Variants in NPFFR1 observed in about 807,000 individuals in gnomAD.
NPFFR1 encodes the protein neuropeptide FF receptor 1, also known as G-protein coupled receptor 147.
NPFFR1 carries 17 observed loss-of-function variants against 12.7 expected under a neutral mutation model. The observed-to-expected ratio is 1.34, with a 90% CI of 0.92 to 2.01. The LOEUF is 2.01. Among genes scored for constraint, NPFFR1 ranks in the 30% most tolerant of loss-of-function variants. The probability of loss-of-function intolerance (pLI) is 0.00; values close to 1 mark genes in which losing one functional copy is unlikely to be tolerated. For synonymous variants in NPFFR1, 296 were observed against 264.5 expected, an observed-to-expected ratio of 1.12 and a Z score of -1.16; for missense variants, 604 against 606.5, an observed-to-expected ratio of 1.00 and a Z score of 0.04.
rs1840549418 is a variant in NPFFR1 at position 70,255,184 on chromosome 10, G to A, written c.1066C>T (p.His356Tyr). Residue 356 changes from histidine to tyrosine, a missense_variant, in exon 4 of 4, where the codon CAC (histidine) becomes TAC (tyrosine). His to Tyr is a moderately conservative substitution (Grantham distance 83). Coordinates refer to ENST00000277942, the MANE Select transcript of NPFFR1 (RefSeq NM_022146.5). The surrounding 1 kb of genome is among the most constrained non-coding windows in gnomAD (Gnocchi z 4.2). The stretch of plus-strand genomic sequence containing the variant: ...GGCCGCTCGGAGTAGGCCTCCTTGT[G>A]GCTCCCCGACGGGCGCGGGCAGAGG... Reference protein sequence around the residue: ...ARLCPRPSGSHKEAYSERPGG... With the variant: ...ARLCPRPSGSYKEAYSERPGG... 1.3e-6 allele frequency: 2 copies of A among 1,548,996 alleles called. No homozygotes were observed. Among genetic ancestry groups the A allele is most frequent in the South Asian group, 2.4e-5 (2 of 84,326 alleles).
In NPFFR1 at chr10:70,252,586, G is replaced by A. The variant is rs151067636; in HGVS notation, c.*2371C>T. ...AACGAACTCCCCACATACCCACAAT[G>A]TCTCACTGCTTCATTAAAGCATTGT... is the stretch of plus-strand genomic sequence containing the variant. On this transcript the variant is annotated 3_prime_UTR_variant, in exon 4 of 4. Coordinates refer to ENST00000277942, the MANE Select transcript of NPFFR1 (RefSeq NM_022146.5). 1.3e-5 allele frequency: 2 copies of A among 152,302 alleles called. No individual in the cohort carries two copies. The highest frequency in any genetic ancestry group is 2.9e-5 in the Non-Finnish European group (2 of 68,026). The allele number at this position is 152,302 out of a possible 1,614,324, so 9.4% of individuals were successfully genotyped here.
At position 70,283,705 on chromosome 10, in the gene NPFFR1, C is replaced by T. The variant is rs1305286713; in HGVS notation, c.-29G>A. 2.6e-5 allele frequency: 40 copies of T among 1,534,790 alleles called. No individual in the cohort carries two copies. The highest frequency in any genetic ancestry group is 3.4e-5 in the Non-Finnish European group (39 of 1,146,368). ...GCCCCCAGTTGCGGGCTCCGGCGGTCTCCGATGGCGGGAGGCAGCGGGCCC... is the reference window on the plus strand; with the variant it reads ...GCCCCCAGTTGCGGGCTCCGGCGGTTTCCGATGGCGGGAGGCAGCGGGCCC... On this transcript the variant is annotated 5_prime_UTR_variant, in exon 1 of 4. Coordinates refer to ENST00000277942, the MANE Select transcript of NPFFR1 (RefSeq NM_022146.5).
chr10:70,277,339 G>A (rs1166603957), intron 1 of NPFFR1, among the ~76,000 whole-genome samples: 1 of 152,242 alleles, frequency 6.6e-6, no homozygotes, highest in African/African-American at 2.4e-5. Context: ...GGCAATCTGT[G>A]CCTCCTGGGC....
intron 2 of NPFFR1, among the ~76,000 whole-genome samples, chr10:70,264,626 G>T (rs929127922): frequency 6.6e-6 from 1 of 152,128 alleles, no homozygotes; most frequent in Non-Finnish European, 1.5e-5. Context: ...GGGGTGTGGT[G>T]GGAAGTAAAA....
At chr10:70,271,265 T>C (rs1351003292) in intron 1 of NPFFR1, among the ~76,000 whole-genome samples, 1 of 152,076 alleles carries the variant, frequency 6.6e-6, no homozygotes, top group African/African-American at 2.4e-5. Flanking sequence ...GTAGTCACAG[T>C]ACTTTGGGAG....
chr10:70,279,141 T>C (rs1046294852), intron 1 of NPFFR1, among the ~76,000 whole-genome samples: 2 of 152,204 alleles, frequency 1.3e-5, no homozygotes, highest in Non-Finnish European at 2.9e-5. Context: ...TTGCTTTTTT[T>C]AAGTAAGATT....
At chr10:70,269,514 A>AT (rs112183102) in intron 1 of NPFFR1, among the ~76,000 whole-genome samples, 14,070 of 141,090 alleles carry the variant, frequency 0.1, 752 homozygotes, top group Middle Eastern at 0.18. Context: ...TCCCCACTGC[A>AT]TTTTTTTTTT....
intron 1 of NPFFR1, among the ~76,000 whole-genome samples, chr10:70,273,091 T>C (rs1308823826): frequency 6.6e-6 from 1 of 152,346 alleles, no homozygotes; most frequent in Non-Finnish European, 1.5e-5. Flanking sequence ...AAAATACTGA[T>C]GATGTCACTG....
At chr10:70,277,967 G>A (rs772423752) in intron 1 of NPFFR1, 2 of 519,836 alleles carry the variant, frequency 3.8e-6, no homozygotes, top group Non-Finnish European at 7.7e-6. Context: ...AACCCTCCAG[G>A]CCATTGTTTT....
chr10:70,259,299 AAAAG>A (rs1019691601), intron 3 of NPFFR1, among the ~76,000 whole-genome samples: 10 of 152,022 alleles, frequency 6.6e-5, no homozygotes, highest in African/African-American at 9.7e-5. Flanking sequence ...TCAAAAAAAA[AAAAG>A]AAAGAAAGAA....
chr10:70,278,967 T>C (rs566230655), intron 1 of NPFFR1, among the ~76,000 whole-genome samples: 2 of 152,322 alleles, frequency 1.3e-5, no homozygotes, highest in African/African-American at 4.8e-5. Flanking sequence ...GTTTTAAGTT[T>C]TTTATTGCAA....
chr10:70,267,531 A>T (rs1024380624), intron 1 of NPFFR1, among the ~76,000 whole-genome samples: 1 of 152,208 alleles, frequency 6.6e-6, no homozygotes, highest in African/African-American at 2.4e-5. Context: ...ATGCTGCAGC[A>T]CAGCTGGCCC....
intron 3 of NPFFR1, among the ~76,000 whole-genome samples, chr10:70,260,270 C>T (rs765935492): frequency 6.6e-5 from 10 of 152,026 alleles, no homozygotes; most frequent in East Asian, 1.9e-4. Flanking sequence ...CCAGCCATAC[C>T]GTGACCCACC....
At chr10:70,259,159 A>G (rs1840607810) in intron 3 of NPFFR1, among the ~76,000 whole-genome samples, 1 of 151,946 alleles carries the variant, frequency 6.6e-6, no homozygotes, top group Non-Finnish European at 1.5e-5. Context: ...GGTGGTGCGC[A>G]CCTGCAATCC....
intron 1 of NPFFR1, among the ~76,000 whole-genome samples, chr10:70,280,371 C>T (rs1840847780): frequency 6.6e-6 from 1 of 152,226 alleles, no homozygotes; most frequent in Non-Finnish European, 1.5e-5. Context: ...TCTCTTTTCT[C>T]CACATCTCCA....
chr10:70,278,216 C>G (rs1840824492), intron 1 of NPFFR1, among the ~76,000 whole-genome samples: 1 of 152,060 alleles, frequency 6.6e-6, no homozygotes, highest in Non-Finnish European at 1.5e-5. Flanking sequence ...CAGAATCATC[C>G]CCCTCTCCCC....
chr10:70,266,435 G>A, intron 1 of NPFFR1, 44 bp from the exon 2 acceptor site: 1 of 1,483,102 alleles, frequency 6.7e-7, no homozygotes. Flanking sequence ...AGGCAAAGAA[G>A]AGATTACCGA....
chr10:70,273,353 A>C (rs1038375884), intron 1 of NPFFR1, among the ~76,000 whole-genome samples: 1 of 152,158 alleles, frequency 6.6e-6, no homozygotes, highest in African/African-American at 2.4e-5. Flanking sequence ...GTGGCTTAAC[A>C]TTTTGGGGGT....
Position 70,278,672 on chromosome 10 carries a change from A to G in NPFFR1, c.7+4998T>C, listed in dbSNP as rs1389206802. 2.0e-5 allele frequency among the ~76,000 whole-genome samples: 3 copies of G among 152,214 alleles called. 1 individual carries two copies. The highest frequency in any genetic ancestry group is 7.2e-5 in the African/African-American group (3 of 41,544). On this transcript the variant is annotated intron_variant, in intron 1 of 3. Coordinates refer to ENST00000277942, the MANE Select transcript of NPFFR1 (RefSeq NM_022146.5). ...CCCTCCTACGTCTCTCAATCAATTC[A>G]CGAGTTTTTTCTGAGAGATCTTGGC...
Sources: allele counts gnomAD v4.1 joint callset (sites outside exome capture counted in the v4.1 genomes callset), GRCh38; gene constraint gnomAD v4.1.1; non-coding constraint Gnocchi (gnomAD v3.1); transcripts MANE v1.5; gene names NCBI Gene and HGNC (gene_info 2026-07-23, HGNC 2026-07-21).